PLEKHG1: variants seen among roughly 807,000 people sequenced by gnomAD.
PLEKHG1 encodes pleckstrin homology and RhoGEF domain containing G1, also known as pleckstrin homology domain-containing family G member 1.
PLEKHG1 carries 44 observed loss-of-function variants against 100.8 expected under a neutral mutation model. The ratio of observed to expected loss-of-function variants is 0.44; its 90% CI spans 0.34 to 0.56. The LOEUF (loss-of-function observed/expected upper bound fraction) is 0.56. Ranked by LOEUF, PLEKHG1 falls within the 20% of genes least tolerant of loss-of-function variation. The pLI, the probability that PLEKHG1 is intolerant of heterozygous loss-of-function variation, is 0.01. For synonymous variants in PLEKHG1, 640 were observed against 662.5 expected (o/e 0.97, Z 0.52); for missense variants, 1,545 against 1,720.9 (o/e 0.90, Z 1.81).
chr6:150,641,165 T>C (rs1029537771), intron 2 of PLEKHG1, among the ~76,000 whole-genome samples: 1 of 152,186 alleles, frequency 6.6e-6, no homozygotes, highest in Non-Finnish European at 1.5e-5. Flanking sequence ...AAACAGAATC[T>C]GGAGAAATAT....
intron 10 of PLEKHG1, among the ~76,000 whole-genome samples, chr6:150,811,224 G>A (rs1414860687): frequency 6.6e-6 from 1 of 151,966 alleles, no homozygotes; most frequent in Non-Finnish European, 1.5e-5. Context: ...GCGTTGAGTG[G>A]AGAGAGGAAG....
intron 3 of PLEKHG1, among the ~76,000 whole-genome samples, chr6:150,653,215 A>G (rs146333587): frequency 2.6e-5 from 4 of 152,164 alleles, no homozygotes; most frequent in African/African-American, 9.6e-5. Context: ...AAAACAGAAG[A>G]AAAAAAATGA....
At chr6:150,630,934 G>A (rs759851519) in intron 1 of PLEKHG1, among the ~76,000 whole-genome samples, 4 of 152,158 alleles carry the variant, frequency 2.6e-5, no homozygotes, top group Non-Finnish European at 5.9e-5. Flanking sequence ...CAGCTGGAAA[G>A]TAAAGACAAG....
chr6:150,631,644 C>T (rs1029688838), intron 1 of PLEKHG1, among the ~76,000 whole-genome samples: 8 of 152,230 alleles, frequency 5.3e-5, no homozygotes, highest in Non-Finnish European at 1.2e-4. Context: ...AAGTTCTAAC[C>T]TTGCATTTCA....
chr6:150,821,982 C>T (rs1023825740), intron 13 of PLEKHG1, among the ~76,000 whole-genome samples: 17 of 150,790 alleles, frequency 1.1e-4, no homozygotes, highest in African/African-American at 3.9e-4. Flanking sequence ...GCTGGGATTA[C>T]AAGCATGTGC....
chr6:150,649,770 G>A (rs1423423020), intron 2 of PLEKHG1, among the ~76,000 whole-genome samples: 2 of 152,120 alleles, frequency 1.3e-5, no homozygotes, highest in East Asian at 3.9e-4. Context: ...CCAGCACTTT[G>A]GGAGGCCGAG....
chr6:150,829,660 T>C (rs1384746681), intron 14 of PLEKHG1, among the ~76,000 whole-genome samples: 1 of 152,156 alleles, frequency 6.6e-6, no homozygotes, highest in Non-Finnish European at 1.5e-5. Context: ...TTATTAATAT[T>C]GTTCCTATTT....
intron 2 of PLEKHG1, among the ~76,000 whole-genome samples, chr6:150,643,726 G>A (rs541870588): frequency 1.8e-3 from 274 of 152,262 alleles, no homozygotes; most frequent in African/African-American, 5.6e-3. Flanking sequence ...TCATGCCTGC[G>A]TAATGCCCGG....
chr6:150,712,222 A>AG (rs1781268163), intron 3 of PLEKHG1, among the ~76,000 whole-genome samples: 1 of 152,160 alleles, frequency 6.6e-6, no homozygotes, highest in Non-Finnish European at 1.5e-5. Flanking sequence ...CAAATCAATG[A>AG]GGGAGTGGAG....
chr6:150,816,258 G>C (rs1463605939), intron 10 of PLEKHG1, among the ~76,000 whole-genome samples: 2 of 149,816 alleles, frequency 1.3e-5, no homozygotes, highest in African/African-American at 4.9e-5. Context: ...TGCTTTTGTG[G>C]CAATCTCAGG....
At chr6:150,688,785 A>G (rs1259288470) in intron 3 of PLEKHG1, among the ~76,000 whole-genome samples, 1 of 152,234 alleles carries the variant, frequency 6.6e-6, no homozygotes, top group African/African-American at 2.4e-5. Context: ...CAGTGTCTTG[A>G]GATATAATTC....
intron 5 of PLEKHG1, among the ~76,000 whole-genome samples, chr6:150,799,429 A>G (rs1583154545): frequency 6.6e-6 from 1 of 152,244 alleles, no homozygotes; most frequent in East Asian, 1.9e-4. Context: ...TCTGTTCCCC[A>G]GGGAGGGACG....
chr6:150,830,415 G>T lies in PLEKHG1; in HGVS notation c.1471-167G>T, dbSNP rs377383760. 4.5e-4 allele frequency among the ~76,000 whole-genome samples: 69 copies of T among 152,252 alleles called. 3 individuals are homozygous for T. In the South Asian group the frequency reaches 0.011, roughly 24 times the overall value. On this transcript the variant is annotated intron_variant, in intron 14 of 15. Transcript: ENST00000358517. Reference sequence around the variant, plus strand: ...AGGTGGGAGGATTGCTTGAGCCCAGGAGTTTGAGATTAGCCTGGGTAACAC... The same window carrying T: ...AGGTGGGAGGATTGCTTGAGCCCAGTAGTTTGAGATTAGCCTGGGTAACAC...
exon 16 of PLEKHG1, chr6:150,840,937 C>T (rs529205047): frequency 6.9e-7 from 1 of 1,459,534 alleles, no homozygotes; most frequent in South Asian, 1.2e-5. Context: ...TCTTATTTTG[C>T]TCATAAAACG....
chr6:150,666,762 A>T (rs1042040982), intron 3 of PLEKHG1, among the ~76,000 whole-genome samples: 5 of 143,058 alleles, frequency 3.5e-5, no homozygotes, highest in Non-Finnish European at 7.7e-5. Context: ...TGCATTGATA[A>T]TTTTTTTTTT....
At chr6:150,753,688 C>G (rs957515174) in intron 2 of PLEKHG1, among the ~76,000 whole-genome samples, 2 of 152,116 alleles carry the variant, frequency 1.3e-5, no homozygotes, top group Non-Finnish European at 2.9e-5. Context: ...ATTAGAGAAG[C>G]GTTTCTTGTG....
chr6:150,804,117 C>T (rs1786870818), intron 6 of PLEKHG1, among the ~76,000 whole-genome samples: 1 of 128,918 alleles, frequency 7.8e-6, no homozygotes, highest in Non-Finnish European at 1.6e-5. Flanking sequence ...TATCTCTGGC[C>T]TCAAAATCTT....
At chr6:150,783,688 G>A (rs927952978) in intron 3 of PLEKHG1, among the ~76,000 whole-genome samples, 1 of 152,154 alleles carries the variant, frequency 6.6e-6, no homozygotes, top group Non-Finnish European at 1.5e-5. Flanking sequence ...AGATTCTCAA[G>A]TGTTTTGGTC....
Position 150,669,287 on chromosome 6 carries a change from A to G in PLEKHG1, c.-99+18501A>G, listed in dbSNP as rs188757718. 3.1e-3 allele frequency among the ~76,000 whole-genome samples: 466 copies of G among 152,140 alleles called. 5 individuals carry two copies. The highest frequency in any genetic ancestry group is 0.011 in the African/African-American group (437 of 41,498). The stretch of plus-strand genomic sequence containing the variant: ...GTACAGAATGAGTAGGAGTGAGGAG[A>G]AAAGATGACTTTTGCCTGGATAGAT... On this transcript the variant is annotated intron_variant, in intron 3 of 3. Transcript: ENST00000367326.
Sources: allele counts gnomAD v4.1 joint callset (sites outside exome capture counted in the v4.1 genomes callset), GRCh38; gene constraint gnomAD v4.1.1; transcripts MANE v1.5; gene names NCBI Gene and HGNC (gene_info 2026-07-23, HGNC 2026-07-21).